The following FXR1 variants were observed in gnomAD, a reference collection of about 807,000 sequenced individuals.
FXR1 encodes FMR1 autosomal homolog 1, also known as RNA-binding protein FXR1.
A neutral mutation model predicts 84.0 loss-of-function variants in FXR1; 15 were observed. That is an observed-to-expected ratio of 0.18 (90% CI 0.12 to 0.27). The LOEUF is 0.27. FXR1 is among the 10% of genes least tolerant of loss of function. The pLI is 1.00. For synonymous variants in FXR1, 245 were observed against 250.7 expected (o/e 0.98, Z 0.21); for missense variants, 480 against 774.4 (o/e 0.62, Z 4.51).
At position 180,944,843 on chromosome 3, in the gene FXR1, G is replaced by A. The variant is rs149382426; in HGVS notation, c.199-3022G>A. 8.5e-3 allele frequency among the ~76,000 whole-genome samples: 1,300 copies of A among 152,258 alleles called. 24 individuals carry two copies. Among genetic ancestry groups the A allele is most frequent in the African/African-American group, 0.03 (1,236 of 41,550 alleles). On this transcript the variant is annotated intron_variant, in intron 3 of 16. Transcript: ENST00000357559. ...TCACCATGTTGTCCAGGCTGGTCTCGAACTCTGGAGCCAAAGTGATCTGCC... is the reference window on the plus strand; with the variant it reads ...TCACCATGTTGTCCAGGCTGGTCTCAAACTCTGGAGCCAAAGTGATCTGCC...
chr3:180,923,766 G>C (rs766101948), intron 1 of FXR1, among the ~76,000 whole-genome samples: 1 of 151,910 alleles, frequency 6.6e-6, no homozygotes, highest in Non-Finnish European at 1.5e-5. Context: ...TCAGGAGACC[G>C]GTCTGTTGAT....
At chr3:180,922,861 G>A (rs1003676188) in intron 1 of FXR1, among the ~76,000 whole-genome samples, 2 of 152,048 alleles carry the variant, frequency 1.3e-5, no homozygotes, top group Non-Finnish European at 1.5e-5. Flanking sequence ...TGATCTTCCT[G>A]CCTCGGCCTC....
At chr3:180,968,895 T>A (rs750714433) in intron 14 of FXR1, among the ~76,000 whole-genome samples, 4 of 152,204 alleles carry the variant, frequency 2.6e-5, no homozygotes, top group Non-Finnish European at 5.9e-5. Flanking sequence ...CATAACGGGC[T>A]AGGGAGTTAA....
At chr3:180,913,036 C>A (rs1407316154) in intron 1 of FXR1, among the ~76,000 whole-genome samples, 3 of 152,078 alleles carry the variant, frequency 2.0e-5, no homozygotes, top group Admixed American at 2.0e-4. Context: ...GGCTGCTGGG[C>A]GGCGGGAGCT....
In FXR1 at chr3:180,970,238, G is replaced by A. The variant is rs1325193385; in HGVS notation, c.1483G>A (p.Glu495Lys). ...TCAGACTGCAGACACTGATGCCAGC[G>A]AATCTCATCACAGTACTAACCGTCG... ...SDQTADTDAS[E>K]SHHSTNRRRR... The change falls in exon 15 of 17, where the codon GAA (glutamate) becomes AAA (lysine). Residue 495 changes from glutamate to lysine, a missense_variant. Around this residue, in one of 6 missense-constraint regions of FXR1, gnomAD observed 157 missense variants for 227.8 expected, o/e 0.69. Coordinates refer to ENST00000357559, the MANE Select transcript of FXR1 (RefSeq NM_005087.4). 5.0e-6 allele frequency: 8 copies of A among 1,600,916 alleles called. No homozygotes were observed. The highest frequency in any genetic ancestry group is 6.8e-6 in the Non-Finnish European group (8 of 1,168,320).
At position 180,979,883 on chromosome 3, in the gene FXR1, T is replaced by A. The variant is rs931902022; in HGVS notation, c.*3591T>A. 23 of 152,082 alleles carry A rather than the reference T, an allele frequency of 1.5e-4. No individual in the cohort carries two copies. The highest frequency in any genetic ancestry group is 5.1e-4 in the African/African-American group (21 of 41,420). The allele number at this position is 152,082 out of a possible 1,614,324, so 9.4% of individuals were successfully genotyped here. A position where few individuals can be genotyped will look rare whatever the true frequency, so the allele number is the denominator to read the frequency against. ...TCATCTGTATCTTCTGTAATATTATTTCCAGTACTGAGGTAAGGTACACAA... is the reference window on the plus strand; with the variant it reads ...TCATCTGTATCTTCTGTAATATTATATCCAGTACTGAGGTAAGGTACACAA... On this transcript the variant is annotated 3_prime_UTR_variant, in exon 17 of 17. Transcript: ENST00000357559.
At chr3:180,939,726 C>G (rs1720922205) in intron 3 of FXR1, among the ~76,000 whole-genome samples, 1 of 152,200 alleles carries the variant, frequency 6.6e-6, no homozygotes. Flanking sequence ...TAACCAGTTT[C>G]ATTTTTTGTT....
chr3:180,947,859 TCTC>T lies in FXR1; in HGVS notation c.199-5_199-3del, dbSNP rs1721858366. ...AATGGATATAGGCATTTTTTTTTCT[TCTC>T]AGGTATATTCAAGAGCAAATGACCA... On this transcript the variant is annotated splice_region_variant and splice_polypyrimidine_tract_variant and intron_variant, in intron 3 of 16. Coordinates refer to ENST00000357559, the MANE Select transcript of FXR1 (RefSeq NM_005087.4). 1 of 1,577,348 alleles carries T rather than the reference TCTC, an allele frequency of 6.3e-7. No homozygotes were observed. Among genetic ancestry groups the T allele is most frequent in the African/African-American group, 1.4e-5 (1 of 73,714 alleles).
At chr3:180,955,622 C>G (rs981354346) in intron 9 of FXR1, among the ~76,000 whole-genome samples, 1 of 152,122 alleles carries the variant, frequency 6.6e-6, no homozygotes. Flanking sequence ...GTGGTAGCTG[C>G]TCTACAGATG....
intron 9 of FXR1, 87 bp downstream of exon 9, chr3:180,953,927 T>C (rs551896146): frequency 4.4e-5 from 31 of 703,930 alleles, no homozygotes; most frequent in African/African-American, 3.8e-4. Flanking sequence ...TCTTGTAGTC[T>C]GATAACCTTA....
intron 1 of FXR1, among the ~76,000 whole-genome samples, chr3:180,922,036 A>G (rs1212200769): frequency 1.3e-5 from 2 of 152,210 alleles, no homozygotes; most frequent in African/African-American, 4.8e-5. Context: ...AACTATTTTC[A>G]TGTGGAGTAT....
intron 3 of FXR1, among the ~76,000 whole-genome samples, chr3:180,939,082 A>G (rs905996412): frequency 6.6e-6 from 1 of 151,496 alleles, no homozygotes; most frequent in Non-Finnish European, 1.5e-5. Context: ...TTTAGTAGAG[A>G]TGGTGTTTTG....
intron 3 of FXR1, among the ~76,000 whole-genome samples, chr3:180,942,793 C>T (rs1022549386): frequency 6.6e-6 from 1 of 151,966 alleles, no homozygotes; most frequent in African/African-American, 2.4e-5. Context: ...TTCTGTGGGG[C>T]GCTGTTATTC....
At chr3:180,915,949 A>ATTT (rs1717843338) in intron 1 of FXR1, among the ~76,000 whole-genome samples, 2 of 152,236 alleles carry the variant, frequency 1.3e-5, no homozygotes, top group African/African-American at 4.8e-5. Flanking sequence ...AGTTAGAGAT[A>ATTT]TTAGAAACTT....
At chr3:180,974,688 C>G (rs996342532) in intron 15 of FXR1, among the ~76,000 whole-genome samples, 1 of 152,112 alleles carries the variant, frequency 6.6e-6, no homozygotes, top group African/African-American at 2.4e-5. Flanking sequence ...TTTTCCCACT[C>G]TGATCAATGT....
At chr3:180,932,088 A>AAAAAAC in intron 1 of FXR1, among the ~76,000 whole-genome samples, 1 of 150,326 alleles carries the variant, frequency 6.7e-6, no homozygotes, top group East Asian at 1.9e-4. Context: ...AAAAAAAAAA[A>AAAAAAC]AACAACTTTT....
rs1165082232 is a variant in FXR1, at chr3:180,977,218, ATAGGCT to A, written c.*931_*936del. On this transcript the variant is annotated 3_prime_UTR_variant, in exon 17 of 17. Transcript: ENST00000357559. The stretch of plus-strand genomic sequence containing the variant: ...TGTTGCAAAATAGTTGGAGCTATTA[ATAGGCT>A]TAGGATAGTATACTTTGCTTTTTAA... 1 of 152,412 alleles carries A rather than the reference ATAGGCT, an allele frequency of 6.6e-6. No individual in the cohort carries two copies. The highest frequency in any genetic ancestry group is 1.5e-5 in the Non-Finnish European group (1 of 67,964). The allele number at this position is 152,412 out of a possible 1,614,324, so 9.4% of individuals were successfully genotyped here.
chr3:180,921,325 C>T (rs968410302), intron 1 of FXR1, among the ~76,000 whole-genome samples: 5 of 150,608 alleles, frequency 3.3e-5, no homozygotes, highest in Non-Finnish European at 1.5e-5. Flanking sequence ...TTGCAGTGAG[C>T]CAAGATCACG....
chr3:180,946,206 A>G (rs1349823697), intron 3 of FXR1, among the ~76,000 whole-genome samples: 2 of 152,248 alleles, frequency 1.3e-5, no homozygotes, highest in East Asian at 1.9e-4. Context: ...ACCTCAGGCT[A>G]TGCAGTAAGG....
Sources: allele counts gnomAD v4.1 joint callset (sites outside exome capture counted in the v4.1 genomes callset), GRCh38; gene constraint gnomAD v4.1.1; regional missense constraint gnomAD v4.1.1; transcripts MANE v1.5; gene names NCBI Gene and HGNC (gene_info 2026-07-23, HGNC 2026-07-21).